ENOX2: variants seen among roughly 807,000 people sequenced by gnomAD.
ENOX2 encodes the protein ecto-NOX disulfide-thiol exchanger 2, also known as APK1 antigen.
A neutral mutation model predicts 45.0 loss-of-function variants in ENOX2; 36 were observed. That is an observed-to-expected ratio of 0.80 (90% CI 0.61 to 1.06). The LOEUF is 1.06. Among genes scored for constraint, ENOX2 ranks in the 50% least tolerant of loss-of-function variants. The pLI is 0.00. For missense variants in ENOX2, 423 were observed against 462.5 expected (o/e 0.91, Z 0.78); for synonymous variants, 174 against 152.3 (o/e 1.14, Z -1.05).
At chrX:130,740,553 T>C (rs941728243) in intron 3 of ENOX2, among the ~76,000 whole-genome samples, 4 of 111,356 alleles carry the variant, frequency 3.6e-5, no homozygotes, top group Non-Finnish European at 7.5e-5. Context: ...ATTTAAAGGA[T>C]GGATAGAATT....
chrX:130,665,499 A>C, intron 9 of ENOX2, 144 bp downstream of exon 9: 1 of 466,166 alleles, frequency 2.1e-6, no homozygotes. Flanking sequence ...GACAGGCTAT[A>C]GAACATATCT....
intron 3 of ENOX2, among the ~76,000 whole-genome samples, chrX:130,725,131 T>C (rs1318077470): frequency 1.8e-5 from 2 of 111,358 alleles, no homozygotes; most frequent in Non-Finnish European, 3.8e-5. Context: ...AATATTAACA[T>C]ACTCCCCTTA....
chrX:130,785,003 G>A (rs747667423), intron 2 of ENOX2, among the ~76,000 whole-genome samples: 1 of 109,982 alleles, frequency 9.1e-6, no homozygotes, highest in East Asian at 2.9e-4. Flanking sequence ...GTCAGCTAAA[G>A]GTCAATCAAG....
intron 6 of ENOX2, among the ~76,000 whole-genome samples, chrX:130,673,839 G>A (rs2037057495): frequency 8.9e-6 from 1 of 111,851 alleles, no homozygotes; most frequent in African/African-American, 3.2e-5. Context: ...GAGAACACCT[G>A]GAAGATATTT....
chrX:130,716,876 A>C (rs1375624710), intron 3 of ENOX2, among the ~76,000 whole-genome samples: 1 of 112,071 alleles, frequency 8.9e-6, no homozygotes, highest in Non-Finnish European at 1.9e-5. Context: ...CTGTAACTTA[A>C]ATTTTCTTCC....
At chrX:130,690,069 A>G (rs2037552403) in intron 4 of ENOX2, among the ~76,000 whole-genome samples, 2 of 111,088 alleles carry the variant, frequency 1.8e-5, no homozygotes, top group Admixed American at 9.6e-5. Context: ...AGAGGATTGG[A>G]TAGTATCGCA....
At chrX:130,737,481 A>C (rs1014604698) in intron 3 of ENOX2, among the ~76,000 whole-genome samples, 1 of 110,785 alleles carries the variant, frequency 9.0e-6, no homozygotes, top group African/African-American at 3.3e-5. Flanking sequence ...CACACACACA[A>C]CTTACTTCTG....
chrX:130,677,864 A>T (rs1160293644), intron 6 of ENOX2, among the ~76,000 whole-genome samples: 1 of 111,077 alleles, frequency 9.0e-6, no homozygotes, highest in Non-Finnish European at 1.9e-5. Flanking sequence ...AGGTGGGTGG[A>T]TCACCTGAGG....
chrX:130,849,942 C>G (rs995003058), intron 2 of ENOX2, among the ~76,000 whole-genome samples: 11 of 111,583 alleles, frequency 9.9e-5, no homozygotes, highest in Non-Finnish European at 2.1e-4. Flanking sequence ...CTGGGCCTCT[C>G]CTTCTCCCTG....
intron 3 of ENOX2, among the ~76,000 whole-genome samples, chrX:130,712,702 C>T (rs933243479): frequency 9.0e-6 from 1 of 111,622 alleles, no homozygotes; most frequent in African/African-American, 3.3e-5. Context: ...ATATAAAACC[C>T]TAGGTCCAAA....
intron 2 of ENOX2, among the ~76,000 whole-genome samples, chrX:130,850,612 GAACA>G (rs2078188517): frequency 8.9e-6 from 1 of 111,946 alleles, no homozygotes; most frequent in African/African-American, 3.2e-5. Context: ...TGAATCAGCA[GAACA>G]AATAAAGGCA....
chrX:130,627,090 G>T (rs1348946101), intron 14 of ENOX2, among the ~76,000 whole-genome samples: 1 of 111,472 alleles, frequency 9.0e-6, no homozygotes, highest in Non-Finnish European at 1.9e-5. Flanking sequence ...GAAGGAAATG[G>T]ACCATGAGAT....
At chrX:130,809,247 T>C (rs921435182) in intron 2 of ENOX2, among the ~76,000 whole-genome samples, 1 of 112,286 alleles carries the variant, frequency 8.9e-6, no homozygotes, top group African/African-American at 3.2e-5. Flanking sequence ...AGAGGAGGAG[T>C]TGATTTATGT....
chrX:130,894,524 T>C (rs1193098651), intron 2 of ENOX2, among the ~76,000 whole-genome samples: 1 of 109,786 alleles, frequency 9.1e-6, no homozygotes, highest in African/African-American at 3.3e-5. Context: ...TTTAATATTC[T>C]TTATACCATT....
chrX:130,641,152 C>A (rs1162306980), intron 10 of ENOX2, among the ~76,000 whole-genome samples: 1 of 111,647 alleles, frequency 9.0e-6, no homozygotes, highest in Non-Finnish European at 1.9e-5. Flanking sequence ...ATGCCAAAAA[C>A]CCCTTCAGCC....
chrX:130,851,235 C>T (rs777292570), intron 2 of ENOX2, among the ~76,000 whole-genome samples: 1 of 111,760 alleles, frequency 8.9e-6, no homozygotes, highest in Non-Finnish European at 1.9e-5. Flanking sequence ...TTTGTTTTAG[C>T]CTAGCCCTAA....
chrX:130,822,475 T>C (rs2148470782), intron 2 of ENOX2, among the ~76,000 whole-genome samples: 1 of 111,777 alleles, frequency 8.9e-6, no homozygotes, highest in African/African-American at 3.3e-5. Flanking sequence ...CAATAATTTG[T>C]AGGGACATGG....
At chrX:130,745,822 G>C (rs1336731956) in intron 3 of ENOX2, among the ~76,000 whole-genome samples, 1 of 112,041 alleles carries the variant, frequency 8.9e-6, no homozygotes, top group South Asian at 3.8e-4. Flanking sequence ...CTGCTGTATA[G>C]ATAGTCGTCT....
At chrX:130,695,544 C>A (rs890886981) in intron 4 of ENOX2, among the ~76,000 whole-genome samples, 1 of 111,382 alleles carries the variant, frequency 9.0e-6, no homozygotes, top group Non-Finnish European at 1.9e-5. Context: ...GTTCCAGAGA[C>A]CCCTGAGCCC....
Sources: gnomAD v4.1 joint callset for allele counts (sites outside exome capture counted in the v4.1 genomes callset) on GRCh38, gnomAD v4.1.1 for gene constraint, MANE v1.5 for transcripts, NCBI Gene and HGNC (gene_info 2026-07-23, HGNC 2026-07-21) for gene names.